The following SPIRE1 variants were observed in gnomAD, a reference collection of about 807,000 sequenced individuals.
SPIRE1 encodes spire type actin nucleation factor 1.
In SPIRE1, 40 loss-of-function variants were observed where a neutral mutation model predicts 94.1. The observed-to-expected ratio is 0.43, with a 90% confidence interval of 0.33 to 0.55. The LOEUF is 0.55. Ranked by LOEUF, SPIRE1 falls within the 20% of genes least tolerant of loss-of-function variation. SPIRE1 has a pLI of 0.06. For missense variants in SPIRE1, 838 were observed against 975.2 expected (o/e 0.86, Z 1.87); for synonymous variants, 376 against 371.7 (o/e 1.01, Z -0.13).
intron 2 of SPIRE1, among the ~76,000 whole-genome samples, chr18:12,584,030 A>T (rs910796121): frequency 1.3e-5 from 2 of 152,230 alleles, no homozygotes; most frequent in Admixed American, 1.3e-4. Flanking sequence ...AGATAATAAC[A>T]TACTGTTCAT....
At chr18:12,575,037 T>C (rs923058580) in intron 2 of SPIRE1, among the ~76,000 whole-genome samples, 1 of 152,020 alleles carries the variant, frequency 6.6e-6, no homozygotes, top group Non-Finnish European at 1.5e-5. Flanking sequence ...GAAAATTCAA[T>C]GAAGAAAAGG....
At chr18:12,594,880 A>G (rs964617496) in intron 2 of SPIRE1, among the ~76,000 whole-genome samples, 10 of 152,210 alleles carry the variant, frequency 6.6e-5, no homozygotes, top group African/African-American at 2.4e-4. Context: ...AGACTATTCA[A>G]TGCAAAGATG....
intron 2 of SPIRE1, among the ~76,000 whole-genome samples, chr18:12,557,520 C>A (rs970116008): frequency 6.6e-6 from 1 of 152,118 alleles, no homozygotes; most frequent in Non-Finnish European, 1.5e-5. Flanking sequence ...CCCGCCCACA[C>A]CTCTCTCTCC....
chr18:12,573,629 T>A (rs2036014629), intron 2 of SPIRE1, among the ~76,000 whole-genome samples: 1 of 152,124 alleles, frequency 6.6e-6, no homozygotes, highest in Admixed American at 6.6e-5. Flanking sequence ...AAAAAAGAAA[T>A]GAGCTATCTA....
At position 12,535,500 on chromosome 18, in the gene SPIRE1, C is replaced by A; in HGVS notation, c.705G>T (p.Leu235=). 3 of 1,613,194 alleles carry A rather than the reference C, an allele frequency of 1.9e-6. No homozygotes were observed. In the South Asian group the frequency reaches 3.3e-5, roughly 18 times the overall value. ...CCTCTTTCGCACTCTTAATTTTGGTCAGAAATGTATGGAGCTCCATTGTTT... is the reference window on the plus strand; with the variant it reads ...CCTCTTTCGCACTCTTAATTTTGGTAAGAAATGTATGGAGCTCCATTGTTT... ...FAETMELHTF[L]TKIKSAKENL... The change falls in exon 4 of 17, where the codon CTG becomes CTT. Residue 235 remains leucine (L), a synonymous_variant. Transcript: ENST00000409402.
At chr18:12,485,926 C>G (rs555291747) in intron 9 of SPIRE1, 33 bp downstream of exon 9, 13 of 1,500,846 alleles carry the variant, frequency 8.7e-6, no homozygotes, top group South Asian at 3.7e-5. Flanking sequence ...ACAAAACCCA[C>G]GTCAGGTGTA....
chr18:12,641,527 C>G (rs535820885), intron 1 of SPIRE1, among the ~76,000 whole-genome samples: 7 of 152,138 alleles, frequency 4.6e-5, no homozygotes, highest in Admixed American at 1.3e-4. Context: ...CACTACCATG[C>G]CCAGCTAATG....
At chr18:12,483,650 A>G (rs1294785670) in intron 9 of SPIRE1, among the ~76,000 whole-genome samples, 2 of 152,190 alleles carry the variant, frequency 1.3e-5, no homozygotes, top group Non-Finnish European at 1.5e-5. Flanking sequence ...GATTTTCACT[A>G]AGAATTAATA....
intron 1 of SPIRE1, among the ~76,000 whole-genome samples, chr18:12,645,188 G>A (rs2038191622): frequency 6.6e-6 from 1 of 151,942 alleles, no homozygotes; most frequent in Non-Finnish European, 1.5e-5. Flanking sequence ...GTAAGCATCA[G>A]AGCCAAAAGA....
At chr18:12,596,294 A>C (rs966274558) in intron 2 of SPIRE1, among the ~76,000 whole-genome samples, 1 of 152,236 alleles carries the variant, frequency 6.6e-6, no homozygotes, top group African/African-American at 2.4e-5. Context: ...ATAAACCAAA[A>C]CAATTAACTT....
At chr18:12,586,171 C>T (rs1374762739) in intron 2 of SPIRE1, among the ~76,000 whole-genome samples, 1 of 152,194 alleles carries the variant, frequency 6.6e-6, no homozygotes, top group Non-Finnish European at 1.5e-5. Context: ...CCAGGCTGGT[C>T]TCAAACTCCT....
At chr18:12,561,556 G>A (rs570858586) in intron 2 of SPIRE1, among the ~76,000 whole-genome samples, 17 of 152,162 alleles carry the variant, frequency 1.1e-4, no homozygotes, top group South Asian at 2.1e-4. Flanking sequence ...TTGAGCCACC[G>A]TGCCTGGCCA....
rs148234784 is a variant in SPIRE1, at chr18:12,477,160, T to G, written c.1404+2539A>C. 3.7e-3 allele frequency among the ~76,000 whole-genome samples: 560 copies of G among 152,180 alleles called. 4 individuals are homozygous for G. The highest frequency in any genetic ancestry group is 0.012 in the African/African-American group (519 of 41,532). ...TATCTGATCATGCCTTGCTGTGTAG[T>G]GTTGCCTCATGAGGTGATGAAAGAG... is the stretch of plus-strand genomic sequence containing the variant. On this transcript the variant is annotated intron_variant, in intron 10 of 16. Transcript: ENST00000409402.
At chr18:12,637,406 T>C (rs1195112937) in intron 1 of SPIRE1, among the ~76,000 whole-genome samples, 1 of 150,478 alleles carries the variant, frequency 6.6e-6, no homozygotes, top group Non-Finnish European at 1.5e-5. Flanking sequence ...TTCAGTAGGA[T>C]ATATTCTGAA....
At chr18:12,635,013 C>A (rs1253625422) in intron 2 of SPIRE1, 49 bp downstream of exon 2, 1 of 1,095,602 alleles carries the variant, frequency 9.1e-7, no homozygotes, top group East Asian at 2.6e-5. Context: ...TTAGTCTAAA[C>A]AGGACTGCAA....
At chr18:12,474,727 C>G (rs1164984209) in intron 10 of SPIRE1, among the ~76,000 whole-genome samples, 1 of 151,960 alleles carries the variant, frequency 6.6e-6, no homozygotes, top group East Asian at 1.9e-4. Flanking sequence ...GAGGCTGAAG[C>G]AGAATTGCTT....
rs1307306223 is a variant in SPIRE1 at position 12,656,665 on chromosome 18, A to T, written c.337+865T>A. The T allele has an allele frequency of 4.1e-6, 4 of 970,284 alleles. No individual in the cohort carries two copies. The East Asian group carries it at 3.4e-4, about 83-fold the overall frequency. 60.1% of individuals were successfully genotyped at this position (970,284 alleles called of 1,614,324 possible). On this transcript the variant is annotated intron_variant, in intron 1 of 16. Transcript: ENST00000409402. The stretch of plus-strand genomic sequence containing the variant: ...AATAGACTTGCCTCTCAAAAGAATG[A>T]ATTAGATAAAAACTGATGGGAGAAA...
At chr18:12,531,423 T>C (rs1167478350) in intron 4 of SPIRE1, among the ~76,000 whole-genome samples, 1 of 152,216 alleles carries the variant, frequency 6.6e-6, no homozygotes, top group East Asian at 1.9e-4. Flanking sequence ...TCTTCAGAAC[T>C]CTCTCTTTAG....
rs1463847817 is a variant in SPIRE1, at chr18:12,657,753, G to A, written c.114C>T (p.Asp38=). The A allele has an allele frequency of 1.5e-6, 2 of 1,360,634 alleles. No individual in the cohort carries two copies. Among genetic ancestry groups the A allele is most frequent in the East Asian group, 3.3e-5 (1 of 29,966 alleles). 84.3% of individuals were successfully genotyped at this position (1,360,634 alleles called of 1,614,324 possible). A position where few individuals can be genotyped will look rare whatever the true frequency, so the allele number is the denominator to read the frequency against. The part of the protein sequence containing the change: ...AAGGAAGGSR[D]ALSLEEILRL... The stretch of plus-strand genomic sequence containing the variant: ...GCAGGATCTCCTCCAGGCTCAGCGC[G>A]TCCCGGGAGCCCCCGGCCGCGCCGC... Residue 38 remains aspartate (D), a synonymous_variant, in exon 1 of 17, where the codon GAC becomes GAT. Coordinates refer to ENST00000409402, the MANE Select transcript of SPIRE1 (RefSeq NM_001128626.2).
Sources: allele counts gnomAD v4.1 joint callset (sites outside exome capture counted in the v4.1 genomes callset), GRCh38; gene constraint gnomAD v4.1.1; transcripts MANE v1.5; gene names NCBI Gene and HGNC (gene_info 2026-07-23, HGNC 2026-07-21).